FBH1: variants seen among roughly 807,000 people sequenced by gnomAD.
The protein encoded by FBH1 is F-box DNA helicase 1, also known as DNA 3'-5' helicase 1.
In FBH1, 43 loss-of-function variants were observed where a neutral mutation model predicts 115.5. That is an observed-to-expected ratio of 0.37 (90% confidence interval 0.29 to 0.48). The LOEUF (loss-of-function observed/expected upper bound fraction) is 0.48. Ranked by LOEUF, FBH1 falls within the 20% of genes least tolerant of loss-of-function variation. The pLI, the probability that FBH1 is intolerant of heterozygous loss-of-function variation, is 0.99. For missense variants in FBH1, 1,001 were observed against 1,337.3 expected (o/e 0.75, Z 3.92); for synonymous variants, 524 against 507.8 (o/e 1.03, Z -0.43).
In FBH1 at chr10:5,921,507, G is replaced by C; in HGVS notation, c.2260G>C (p.Val754Leu). The change falls in exon 15 of 21, where the codon GTG becomes CTG. Residue 754 changes from valine (V) to leucine (L), a missense_variant. By Grantham distance (32) the Val-to-Leu change is conservative. Coordinates refer to ENST00000362091, the MANE Select transcript of FBH1 (RefSeq NM_178150.3). The surrounding 1 kb of genome is among the most constrained non-coding windows in gnomAD (Gnocchi z 6.4). The part of the protein sequence containing the change: ...VALLSRTNAN[V>L]FDEAVRVTEG... ...CTTGTTGTCCCGGACCAACGCCAAC[G>C]TGTTTGATGAGGCCGTACGGGTGAC... 2 of 1,600,280 alleles carry C rather than the reference G, an allele frequency of 1.2e-6. No homozygotes were observed. The highest frequency in any genetic ancestry group is 1.7e-6 in the Non-Finnish European group (2 of 1,176,732).
chr10:5,934,036 G>A (rs1833149843), intron 19 of FBH1, among the ~76,000 whole-genome samples: 1 of 152,166 alleles, frequency 6.6e-6, no homozygotes, highest in African/African-American at 2.4e-5. Flanking sequence ...CTGCCCAGGA[G>A]GGAAGGCCAT....
intron 1 of FBH1, among the ~76,000 whole-genome samples, chr10:5,890,551 C>T (rs2131801019): frequency 6.7e-6 from 1 of 149,942 alleles, no homozygotes; most frequent in African/African-American, 2.5e-5. Flanking sequence ...CGGGGGTGCG[C>T]GGGGGAGGCC....
At chr10:5,905,893 A>G (rs1843661280) in intron 2 of FBH1, 144 bp from the exon 3 acceptor site, 3 of 605,100 alleles carry the variant, frequency 5.0e-6, no homozygotes, top group Admixed American at 3.0e-5. Context: ...AGTTATTTAT[A>G]TAATCAGTTG....
At position 5,914,043 on chromosome 10, in the gene FBH1, T is replaced by C. The variant is rs1831774219; in HGVS notation, c.1305-135T>C. On this transcript the variant is annotated intron_variant, in intron 7 of 20. Coordinates refer to ENST00000362091, the MANE Select transcript of FBH1 (RefSeq NM_178150.3). The surrounding 1 kb of genome is among the most constrained non-coding windows in gnomAD (Gnocchi z 5.2). The stretch of plus-strand genomic sequence containing the variant: ...TCATAATCTAGCTTTAGAACATGTT[T>C]ATTCTCGTAAGGGGAGGCCTTTTTT... 1.0e-5 allele frequency: 9 copies of C among 872,030 alleles called. No individual in the cohort carries two copies. Among genetic ancestry groups the C allele is most frequent in the Non-Finnish European group, 1.6e-5 (9 of 553,254 alleles). The allele number at this position is 872,030 out of a possible 1,614,324, so 54.0% of individuals were successfully genotyped here.
chr10:5,927,072 G>A (rs575834075), intron 18 of FBH1, among the ~76,000 whole-genome samples: 4 of 152,328 alleles, frequency 2.6e-5, no homozygotes, highest in Admixed American at 1.3e-4. Flanking sequence ...GTTTGTGGGA[G>A]TGACTTAACC....
chr10:5,925,545 T>C lies in FBH1; in HGVS notation c.2722+53T>C, dbSNP rs1589108315. 3.1e-6 allele frequency: 5 copies of C among 1,604,920 alleles called. No homozygotes were observed. In the East Asian group the frequency reaches 1.1e-4, roughly 36 times the overall value. On this transcript the variant is annotated intron_variant, in intron 18 of 20. Coordinates refer to ENST00000362091, the MANE Select transcript of FBH1 (RefSeq NM_178150.3). This position sits in a 1 kb window ranked among gnomAD's most constrained non-coding sequence, Gnocchi z 4.6. ...GCTGCTGTATGTAGTGAGTGGTGAC[T>C]GGAATGCTTCCTTTGCACGGCCTTG...
chr10:5,903,563 AGGT>A (rs1350802848), intron 2 of FBH1, among the ~76,000 whole-genome samples: 2 of 152,010 alleles, frequency 1.3e-5, no homozygotes, highest in African/African-American at 4.8e-5. Context: ...TCCTGACGTC[AGGT>A]GATCCACCCG....
chr10:5,937,142 C>T lies in FBH1; in HGVS notation c.2994C>T (p.Leu998=), dbSNP rs1490210556. The part of the protein sequence containing the change: ...SNRKENKGGY[L]CHSCAEQRIG... ...GGAAGGAAAACAAGGGGGGCTACCT[C>T]TGCCACTCCTGTGCGGAGCAGCGCA... Residue 998 remains leucine, a synonymous_variant, in exon 21 of 21, where the codon CTC becomes CTT. Transcript: ENST00000362091. The T allele has an allele frequency of 6.2e-7, 1 of 1,612,340 alleles. No homozygotes were observed. The highest frequency in any genetic ancestry group is 8.5e-7 in the Non-Finnish European group (1 of 1,179,052).
chr10:5,906,385 G>C lies in FBH1; in HGVS notation c.506G>C (p.Ser169Thr). 6.2e-7 allele frequency: 1 copy of C among 1,614,146 alleles called. No individual in the cohort carries two copies. Among genetic ancestry groups the C allele is most frequent in the Non-Finnish European group, 8.5e-7 (1 of 1,179,940 alleles). The part of the protein sequence containing the change: ...PREARQEAED[S>T]TSRLSAESGE... The stretch of plus-strand genomic sequence containing the variant: ...GAGGCCAGGCAAGAAGCAGAGGACA[G>C]TACGTCTCGGCTCTCTGCGGAGTCT... The change falls in exon 3 of 21, where the codon AGT becomes ACT. Residue 169 changes from serine (S) to threonine (T), a missense_variant. This residue lies in a region of FBH1 where 420 missense variants were observed against 430.4 expected (regional missense o/e 0.98). Transcript: ENST00000362091. This position sits in a 1 kb window ranked among gnomAD's most constrained non-coding sequence, Gnocchi z 7.3.
rs771040739 is a variant in FBH1, at chr10:5,925,331, A to T, written c.2597-36A>T. On this transcript the variant is annotated intron_variant, in intron 17 of 20. Transcript: ENST00000362091. This position sits in a 1 kb window ranked among gnomAD's most constrained non-coding sequence, Gnocchi z 4.6. ...TTGTCATCTTGTTTCTTTCCCTTTG[A>T]AGCACCATCTAACGTGTGCTGTGTT... 11 of 1,605,274 alleles carry T rather than the reference A, an allele frequency of 6.9e-6. No homozygotes were observed. The highest frequency in any genetic ancestry group is 4.0e-5 in the African/African-American group (3 of 74,518).
chr10:5,896,452 G>A lies in FBH1; in HGVS notation c.1+6106G>A, dbSNP rs1429362831. On this transcript the variant is annotated intron_variant, in intron 1 of 20. Transcript: ENST00000362091. ...GGGTGGAGGACAGAGAAGTCACACT[G>A]TTAGAAAGCCGTCACAGAAAAGGCA... is the stretch of plus-strand genomic sequence containing the variant. Among the ~76,000 whole-genome samples, 13 of 152,168 alleles carry A rather than the reference G, an allele frequency of 8.5e-5. 1 individual carries two copies. The highest frequency in any genetic ancestry group is 8.5e-4 in the Admixed American group (13 of 15,286).
At position 5,921,208 on chromosome 10, in the gene FBH1, G is replaced by T; in HGVS notation, c.2101-50G>T. The T allele has an allele frequency of 6.4e-7, 1 of 1,564,930 alleles. No individual in the cohort carries two copies. The highest frequency in any genetic ancestry group is 1.1e-5 in the South Asian group (1 of 89,354). ...TGTGGCAGCAGTGATGGAAATGCACGGACACACCACAGGGCGGGCTGCTGA... is the reference window on the plus strand; with the variant it reads ...TGTGGCAGCAGTGATGGAAATGCACTGACACACCACAGGGCGGGCTGCTGA... On this transcript the variant is annotated intron_variant, in intron 13 of 20. Transcript: ENST00000362091. The surrounding 1 kb of genome is among the most constrained non-coding windows in gnomAD (Gnocchi z 6.4).
At position 5,911,953 on chromosome 10, in the gene FBH1, A is replaced by C. The variant is rs1831618642; in HGVS notation, c.1211+825A>C. On this transcript the variant is annotated intron_variant, in intron 6 of 20. Coordinates refer to ENST00000362091, the MANE Select transcript of FBH1 (RefSeq NM_178150.3). This position sits in a 1 kb window ranked among gnomAD's most constrained non-coding sequence, Gnocchi z 5.4. The stretch of plus-strand genomic sequence containing the variant: ...ATGCCTTAAGGGCCTGAAGATGGGA[A>C]TGAATTTGGGACATGTGAGGAAGAG... Among the ~76,000 whole-genome samples, 1 of 152,076 alleles carries C rather than the reference A, an allele frequency of 6.6e-6. No homozygotes were observed. Among genetic ancestry groups the C allele is most frequent in the Non-Finnish European group, 1.5e-5 (1 of 68,006 alleles).
rs139026492 is a variant in FBH1 at position 5,915,507 on chromosome 10, G to A, written c.1501G>A (p.Val501Ile). The change falls in exon 9 of 21, where the codon GTC becomes ATC. Residue 501 changes from valine to isoleucine, a missense_variant. By Grantham distance (29) the Val-to-Ile change is conservative. Coordinates refer to ENST00000362091, the MANE Select transcript of FBH1 (RefSeq NM_178150.3). This position sits in a 1 kb window ranked among gnomAD's most constrained non-coding sequence, Gnocchi z 5.2. Reference sequence around the variant, plus strand: ...GAGCATCGCAAAGCAGGCCGAACGCGTCTTCCCCAGCAACGTCATCTGCAA... The same window carrying A: ...GAGCATCGCAAAGCAGGCCGAACGCATCTTCCCCAGCAACGTCATCTGCAA... ...NKSIAKQAER[V>I]FPSNVICKTF... 101 of 1,614,084 alleles carry A rather than the reference G, an allele frequency of 6.3e-5. No individual in the cohort carries two copies. The highest frequency in any genetic ancestry group is 1.5e-4 in the Admixed American group (9 of 60,004).
chr10:5,932,627 A>G lies in FBH1; in HGVS notation c.2830-3829A>G, dbSNP rs939049366. Among the ~76,000 whole-genome samples, 4 of 152,160 alleles carry G rather than the reference A, an allele frequency of 2.6e-5. No individual in the cohort carries two copies. The highest frequency in any genetic ancestry group is 9.7e-5 in the African/African-American group (4 of 41,430). On this transcript the variant is annotated intron_variant, in intron 19 of 20. Coordinates refer to ENST00000362091, the MANE Select transcript of FBH1 (RefSeq NM_178150.3). The surrounding 1 kb of genome is among the most constrained non-coding windows in gnomAD (Gnocchi z 5.9). ...CATTGCACAATCTTGTGCACAGGTC[A>G]TTTCTGTTTTTGCCAGTGCATCTTC... is the stretch of plus-strand genomic sequence containing the variant.
intron 1 of FBH1, among the ~76,000 whole-genome samples, chr10:5,892,952 T>G (rs1842817248): frequency 6.6e-6 from 1 of 152,212 alleles, no homozygotes; most frequent in Non-Finnish European, 1.5e-5. Flanking sequence ...CCACCTTCTA[T>G]CCTCTCTCCC....
chr10:5,903,721 A>G (rs915227265), intron 2 of FBH1, among the ~76,000 whole-genome samples: 1 of 152,216 alleles, frequency 6.6e-6, no homozygotes, highest in African/African-American at 2.4e-5. Flanking sequence ...GTGTAATTAT[A>G]AAGTGATAGA....
Position 5,924,229 on chromosome 10 carries a change from A to G in FBH1, c.2399-82A>G, listed in dbSNP as rs2274030. ...ACTTTAAGACCATCTGCTCTTGCGC[A>G]GCTGCTTAGGAACGTGCAGCACCTG... On this transcript the variant is annotated intron_variant, in intron 16 of 20. Transcript: ENST00000362091. This position sits in a 1 kb window ranked among gnomAD's most constrained non-coding sequence, Gnocchi z 6.2. 0.86 allele frequency: 1,199,332 copies of G among 1,394,136 alleles called. 517,017 individuals are homozygous for G. The highest frequency in any genetic ancestry group is 0.91 in the Admixed American group (50,033 of 55,222). 86.4% of individuals were successfully genotyped at this position (1,394,136 alleles called of 1,614,324 possible). A position where few individuals can be genotyped will look rare whatever the true frequency, so the allele number is the denominator to read the frequency against.
chr10:5,903,298 T>A, intron 2 of FBH1, 123 bp downstream of exon 2: 1 of 650,516 alleles, frequency 1.5e-6, no homozygotes, highest in Non-Finnish European at 2.3e-6. Context: ...ATGCAATAGC[T>A]TGACACTTTT....
Sources: allele counts gnomAD v4.1 joint callset (sites outside exome capture counted in the v4.1 genomes callset), GRCh38; gene constraint gnomAD v4.1.1; regional missense constraint gnomAD v4.1.1; non-coding constraint Gnocchi (gnomAD v3.1); transcripts MANE v1.5; gene names NCBI Gene and HGNC (gene_info 2026-07-23, HGNC 2026-07-21).